ERCC6L2: variants seen among roughly 807,000 people sequenced by gnomAD.
The protein encoded by ERCC6L2 is ERCC excision repair 6 like 2.
Under a neutral mutation model 132.0 loss-of-function variants are expected in ERCC6L2, and 77 were observed. The observed-to-expected ratio is 0.58, with a 90% CI of 0.49 to 0.71. The LOEUF (loss-of-function observed/expected upper bound fraction) is 0.71. Among genes scored for constraint, ERCC6L2 ranks in the 30% least tolerant of loss-of-function variants. The pLI is 0.00. For synonymous variants in ERCC6L2, 583 were observed against 632.4 expected (o/e 0.92, Z 1.17); for missense variants, 1,542 against 1,837.6 (o/e 0.84, Z 2.94).
At chr9:95,976,432 C>G (rs74930826) in intron 16 of ERCC6L2, among the ~76,000 whole-genome samples, 44,481 of 151,798 alleles carry the variant, frequency 0.29, 6,727 homozygotes, top group South Asian at 0.37. Flanking sequence ...TGAAGAGCAA[C>G]AAACCTTCCC....
intron 3 of ERCC6L2, among the ~76,000 whole-genome samples, chr9:95,899,125 T>G (rs1828621476): frequency 6.6e-6 from 1 of 151,974 alleles, no homozygotes; most frequent in East Asian, 1.9e-4. Context: ...TTTAAATATA[T>G]TAAAATACTT....
At chr9:95,945,759 C>T (rs1246141947) in intron 12 of ERCC6L2, among the ~76,000 whole-genome samples, 1 of 152,082 alleles carries the variant, frequency 6.6e-6, no homozygotes, top group African/African-American at 2.4e-5. Flanking sequence ...ATAAGAGTAC[C>T]AAGAAAATGT....
chr9:95,908,761 A>AT (rs200079339), intron 4 of ERCC6L2, among the ~76,000 whole-genome samples: 2,715 of 152,282 alleles, frequency 0.018, 85 homozygotes, highest in African/African-American at 0.061. Context: ...GTAAGTCTTT[A>AT]AAATGTTTAG....
At chr9:95,918,067 A>T (rs1312026140) in intron 6 of ERCC6L2, 1 of 205,546 alleles carries the variant, frequency 4.9e-6, no homozygotes, top group Non-Finnish European at 9.9e-6. Flanking sequence ...AGGAGGGGGC[A>T]GGCTGGATGT....
At chr9:95,984,896 A>G (rs898381832) in intron 17 of ERCC6L2, among the ~76,000 whole-genome samples, 1 of 152,220 alleles carries the variant, frequency 6.6e-6, no homozygotes, top group African/African-American at 2.4e-5. Flanking sequence ...TTCATTGTTC[A>G]TTGATTAAAT....
intron 11 of ERCC6L2, among the ~76,000 whole-genome samples, chr9:95,931,364 T>C (rs1178748376): frequency 3.9e-5 from 6 of 152,320 alleles, no homozygotes; most frequent in Non-Finnish European, 8.8e-5. Flanking sequence ...GGCCCAGTTT[T>C]CTAGGCCTGA....
chr9:95,888,571 G>A (rs1387418096), intron 2 of ERCC6L2, among the ~76,000 whole-genome samples: 5 of 152,064 alleles, frequency 3.3e-5, no homozygotes, highest in Non-Finnish European at 1.5e-5. Context: ...TTAGTCTTCT[G>A]TGAATTAATA....
rs548180810 is a variant in ERCC6L2 at position 96,006,646 on chromosome 9, A to C, written c.3674+1945A>C. 3.3e-5 allele frequency among the ~76,000 whole-genome samples: 5 copies of C among 152,278 alleles called. No homozygotes were observed. In the South Asian group the frequency reaches 1.0e-3, roughly 32 times the overall value. On this transcript the variant is annotated intron_variant, in intron 18 of 18. Coordinates refer to ENST00000653738, the MANE Select transcript of ERCC6L2 (RefSeq NM_020207.7). ...AGGAGAAAAAGAGATCATGTCAGAGAGGTGAAAACAGAAAGAGGGAGGGCC... is the reference window on the plus strand; with the variant it reads ...AGGAGAAAAAGAGATCATGTCAGAGCGGTGAAAACAGAAAGAGGGAGGGCC...
chr9:95,997,471 C>G (rs183889725), intron 17 of ERCC6L2, among the ~76,000 whole-genome samples: 29 of 152,274 alleles, frequency 1.9e-4, no homozygotes, highest in Admixed American at 1.6e-3. Flanking sequence ...GGACTCTATC[C>G]TAGTGAAGAT....
At chr9:95,914,594 C>T (rs1428655156) in intron 4 of ERCC6L2, among the ~76,000 whole-genome samples, 2 of 152,118 alleles carry the variant, frequency 1.3e-5, no homozygotes, top group African/African-American at 4.8e-5. Context: ...CCTCGTGATC[C>T]ACCCGCCTCA....
chr9:95,976,830 TATGA>T (rs1832692190), intron 16 of ERCC6L2, among the ~76,000 whole-genome samples: 1 of 152,218 alleles, frequency 6.6e-6, no homozygotes, highest in South Asian at 2.1e-4. Context: ...CCAAAAACTA[TATGA>T]AAGAAGCTGA....
At chr9:95,971,150 T>G (rs1832392831) in intron 15 of ERCC6L2, among the ~76,000 whole-genome samples, 1 of 152,106 alleles carries the variant, frequency 6.6e-6, no homozygotes, top group Non-Finnish European at 1.5e-5. Context: ...AAAACATGTG[T>G]GGAAGGTTTT....
intron 12 of ERCC6L2, among the ~76,000 whole-genome samples, chr9:95,946,904 T>A (rs1018969318): frequency 6.6e-6 from 1 of 152,182 alleles, no homozygotes; most frequent in Non-Finnish European, 1.5e-5. Flanking sequence ...TATAAAAAGA[T>A]GAACTTAATT....
At chr9:95,938,319 G>A (rs936696470) in intron 11 of ERCC6L2, among the ~76,000 whole-genome samples, 7 of 151,998 alleles carry the variant, frequency 4.6e-5, no homozygotes, top group Non-Finnish European at 7.4e-5. Flanking sequence ...GGAAAAAAAA[G>A]TGTGTGTGGT....
intron 19 of ERCC6L2, among the ~76,000 whole-genome samples, chr9:96,027,199 C>T (rs1834389833): frequency 6.6e-6 from 1 of 151,644 alleles, no homozygotes; most frequent in African/African-American, 2.4e-5. Context: ...CACATCACAC[C>T]ACAGCCACAC....
intron 1 of ERCC6L2, 97 bp downstream of exon 1, chr9:95,876,181 G>A: frequency 8.7e-7 from 1 of 1,151,496 alleles, no homozygotes. Flanking sequence ...GTTTTGCCCT[G>A]TAGATCCTCT....
At chr9:95,922,518 A>T in intron 8 of ERCC6L2, 100 bp downstream of exon 8, 1 of 702,690 alleles carries the variant, frequency 1.4e-6, no homozygotes, top group Non-Finnish European at 2.4e-6. Context: ...GATGAAATTT[A>T]AGAGGAAACT....
At chr9:95,907,567 G>T (rs182868688) in intron 4 of ERCC6L2, among the ~76,000 whole-genome samples, 2 of 151,854 alleles carry the variant, frequency 1.3e-5, no homozygotes, top group Admixed American at 6.6e-5. Context: ...TTTCATTTTA[G>T]AATTATTGAA....
downstream of ERCC6L2, chr9:96,020,953 G>A (rs975249205): frequency 8.8e-6 from 4 of 456,638 alleles, no homozygotes; most frequent in Middle Eastern, 3.2e-4. Context: ...CCGGGGAGCG[G>A]GGAGAGGGCG....
Sources: gnomAD v4.1 joint callset for allele counts (sites outside exome capture counted in the v4.1 genomes callset) on GRCh38, gnomAD v4.1.1 for gene constraint, MANE v1.5 for transcripts, NCBI Gene and HGNC (gene_info 2026-07-23, HGNC 2026-07-21) for gene names.